The following PLCG2 variants were observed in gnomAD, a reference collection of about 807,000 sequenced individuals.
The protein encoded by PLCG2 is 1-phosphatidylinositol 4,5-bisphosphate phosphodiesterase gamma-2.
Under a neutral mutation model 175.6 loss-of-function variants are expected in PLCG2, and 69 were observed. That is an observed-to-expected ratio of 0.39 (90% CI 0.32 to 0.48). The LOEUF is 0.48. Ranked by LOEUF, PLCG2 falls within the 20% of genes least tolerant of loss-of-function variation. The pLI is 0.91. For missense variants in PLCG2, 1,798 were observed against 1,650.9 expected, an observed-to-expected ratio of 1.09 and a Z score of -1.54; for synonymous variants, 827 against 624.0, an observed-to-expected ratio of 1.33 and a Z score of -4.85.
chr16:81,828,086 G>A (rs1477796312), intron 2 of PLCG2, among the ~76,000 whole-genome samples: 16 of 99,280 alleles, frequency 1.6e-4, no homozygotes, highest in East Asian at 5.9e-4. Flanking sequence ...GCAAAACTCC[G>A]TCTCAAAAAA....
chr16:81,781,811 C>A (rs1162333892), intron 1 of PLCG2, among the ~76,000 whole-genome samples: 3 of 152,026 alleles, frequency 2.0e-5, no homozygotes, highest in African/African-American at 7.2e-5. Flanking sequence ...ACTGAAGAGA[C>A]AAAAACTTCC....
Position 81,923,398 on chromosome 16 carries a change from GA to G in PLCG2, c.2308-85del. 4.0e-6 allele frequency: 3 copies of G among 758,206 alleles called. No individual in the cohort carries two copies. In the South Asian group the frequency reaches 5.0e-5, roughly 13 times the overall value. 47.0% of individuals were successfully genotyped at this position (758,206 alleles called of 1,614,324 possible). On this transcript the variant is annotated intron_variant, in intron 21 of 32. Coordinates refer to ENST00000564138, the MANE Select transcript of PLCG2 (RefSeq NM_002661.5). Reference sequence around the variant, plus strand: ...CCTGAAGCCTCCTGCTCCCCAATGAGAAGAACCAAATGGTACCTGGGAACGC... The same window carrying G: ...CCTGAAGCCTCCTGCTCCCCAATGAGAGAACCAAATGGTACCTGGGAACGC...
At chr16:81,750,178 C>T (rs569988337) in intron 1 of PLCG2, among the ~76,000 whole-genome samples, 3 of 152,108 alleles carry the variant, frequency 2.0e-5, no homozygotes, top group East Asian at 1.9e-4. Context: ...GAGAACAAGG[C>T]GGACAGATCA....
intron 2 of PLCG2, among the ~76,000 whole-genome samples, chr16:81,819,686 G>T (rs925674935): frequency 6.6e-6 from 1 of 152,194 alleles, no homozygotes; most frequent in Non-Finnish European, 1.5e-5. Flanking sequence ...CTGGTTTCAA[G>T]CGAATATCCT....
chr16:81,741,631 G>A (rs1002624673), intron 1 of PLCG2, among the ~76,000 whole-genome samples: 5 of 152,246 alleles, frequency 3.3e-5, no homozygotes, highest in African/African-American at 9.6e-5. Context: ...CCAACATGGT[G>A]AAACCCTGTC....
chr16:81,874,255 G>T (rs1368202302), intron 7 of PLCG2, among the ~76,000 whole-genome samples: 1 of 152,082 alleles, frequency 6.6e-6, no homozygotes, highest in African/African-American at 2.4e-5. Context: ...GCCATGGAAC[G>T]GTCCACTTTC....
chr16:81,740,172 CAAAAA>C (rs1356054639), intron 1 of PLCG2: 2 of 143,424 alleles, frequency 1.4e-5, no homozygotes, highest in Non-Finnish European at 3.1e-5. Context: ...AGAAAAGAAA[CAAAAA>C]GAAAAGAAGA....
intron 2 of PLCG2, among the ~76,000 whole-genome samples, chr16:81,827,945 C>A (rs1278368476): frequency 6.6e-6 from 1 of 151,846 alleles, no homozygotes; most frequent in African/African-American, 2.4e-5. Context: ...ACAAAAGTAG[C>A]CAGGCATGGT....
At chr16:81,948,734 A>C (rs1911250774) in intron 31 of PLCG2, among the ~76,000 whole-genome samples, 1 of 152,202 alleles carries the variant, frequency 6.6e-6, no homozygotes, top group Non-Finnish European at 1.5e-5. Flanking sequence ...TCATCAGCTA[A>C]AGTTGGTCAG....
chr16:81,859,096 T>C lies in PLCG2; in HGVS notation c.432-20T>C, dbSNP rs1165041510. 2.7e-6 allele frequency: 4 copies of C among 1,485,390 alleles called. No individual in the cohort carries two copies. Among genetic ancestry groups the C allele is most frequent in the South Asian group, 2.3e-5 (2 of 88,546 alleles). 92.0% of individuals were successfully genotyped at this position (1,485,390 alleles called of 1,614,324 possible). Reference sequence around the variant, plus strand: ...TAATTTTCTCTTTCTCTCTTTCTTTTGTCTCATATTTCTTTCCAGTTGGCT... The same window carrying C: ...TAATTTTCTCTTTCTCTCTTTCTTTCGTCTCATATTTCTTTCCAGTTGGCT... On this transcript the variant is annotated intron_variant, in intron 4 of 32. Coordinates refer to ENST00000564138, the MANE Select transcript of PLCG2 (RefSeq NM_002661.5).
At chr16:81,899,223 A>C (rs1909031312) in intron 13 of PLCG2, among the ~76,000 whole-genome samples, 1 of 151,448 alleles carries the variant, frequency 6.6e-6, no homozygotes. Flanking sequence ...AAAATAAATA[A>C]ATACATAAAT....
rs1008211026 is a variant in PLCG2 at position 81,938,910 on chromosome 16, T to C, written c.3308T>C (p.Val1103Ala). 29 of 1,594,482 alleles carry C rather than the reference T, an allele frequency of 1.8e-5. No homozygotes were observed. The highest frequency in any genetic ancestry group is 2.3e-5 in the Non-Finnish European group (27 of 1,163,134). Reference protein sequence around the residue: ...EYDNNKFKTTVVNDNGLSPIW... With the variant: ...EYDNNKFKTTAVNDNGLSPIW... ...GACAACAACAAGTTCAAGACGACGG[T>C]TGTGAGTAAGTCAGTCACCTTGGCC... Residue 1103 changes from valine (V) to alanine (A), a missense_variant, in exon 29 of 33, where the codon GTT becomes GCT. Transcript: ENST00000564138.
At chr16:81,771,712 A>C (rs1465850407) in intron 2 of PLCG2, among the ~76,000 whole-genome samples, 1 of 151,810 alleles carries the variant, frequency 6.6e-6, no homozygotes, top group Non-Finnish European at 1.5e-5. Context: ...CAACAAAAAA[A>C]CTAAGTCCTA....
chr16:81,842,278 C>T lies in PLCG2; in HGVS notation c.194-12166C>T, dbSNP rs146754883. Among the ~76,000 whole-genome samples the T allele has an allele frequency of 2.0e-5, 3 of 152,298 alleles. No individual in the cohort carries two copies. In the East Asian group the frequency reaches 5.8e-4, roughly 29 times the overall value. On this transcript the variant is annotated intron_variant, in intron 2 of 32. Transcript: ENST00000564138. ...CATGTGCTCAGAGAAGCCTTTCTTC[C>T]CCTTGCTGGGGAGGAGCCCCAGTGT...
intron 5 of PLCG2, among the ~76,000 whole-genome samples, chr16:81,868,961 T>C (rs1047766742): frequency 6.6e-6 from 1 of 152,220 alleles, no homozygotes; most frequent in African/African-American, 2.4e-5. Flanking sequence ...AGACCAGCCC[T>C]CCTTATTGGG....
chr16:81,844,530 C>A (rs1906011461), intron 2 of PLCG2, among the ~76,000 whole-genome samples: 1 of 151,902 alleles, frequency 6.6e-6, no homozygotes, highest in Non-Finnish European at 1.5e-5. Context: ...CCATGGTGGC[C>A]AGGCTGGTCT....
chr16:81,755,533 T>TGAAA, intron 1 of PLCG2, among the ~76,000 whole-genome samples: 1 of 151,080 alleles, frequency 6.6e-6, no homozygotes, highest in African/African-American at 2.4e-5. Context: ...CGTCAGCTTC[T>TGAAA]CTTATTTTTT....
At chr16:81,829,362 G>C (rs1238556641) in intron 2 of PLCG2, among the ~76,000 whole-genome samples, 5 of 152,174 alleles carry the variant, frequency 3.3e-5, no homozygotes, top group African/African-American at 1.2e-4. Context: ...GCCCGCCTCG[G>C]CCTCCCAAAG....
At chr16:81,862,782 G>T (rs955136070) in intron 5 of PLCG2, among the ~76,000 whole-genome samples, 5 of 151,952 alleles carry the variant, frequency 3.3e-5, no homozygotes, top group African/African-American at 7.3e-5. Flanking sequence ...GAGGTGGGAG[G>T]ATCATCTGAG....
Sources: allele counts gnomAD v4.1 joint callset (sites outside exome capture counted in the v4.1 genomes callset), GRCh38; gene constraint gnomAD v4.1.1; transcripts MANE v1.5; gene names NCBI Gene and HGNC (gene_info 2026-07-23, HGNC 2026-07-21).